NRXN1: variants seen among roughly 807,000 people sequenced by gnomAD.
The protein encoded by NRXN1 is neurexin-1.
In NRXN1, 39 loss-of-function variants were observed where a neutral mutation model predicts 150.9. The observed-to-expected ratio is 0.26, with a 90% CI of 0.20 to 0.34. NRXN1 has a LOEUF of 0.34. NRXN1 is among the 10% of genes least tolerant of loss of function. The pLI, the probability that NRXN1 is intolerant of heterozygous loss-of-function variation, is 1.00. For synonymous variants in NRXN1, 924 were observed against 757.0 expected (o/e 1.22, Z -3.62); for missense variants, 1,815 against 1,949.9 (o/e 0.93, Z 1.30).
In NRXN1 at chr2:50,496,200, T is replaced by G. The variant is rs897439046; in HGVS notation, c.2880-105A>C. The G allele has an allele frequency of 5.6e-4, 431 of 774,514 alleles. 1 individual carries two copies. The highest frequency in any genetic ancestry group is 2.7e-4 in the Admixed American group (10 of 37,024). 48.0% of individuals were successfully genotyped at this position (774,514 alleles called of 1,614,324 possible). ...ATTTTTTTTCAGGTGGTTCCATCCT[T>G]ACTAGAAGTCATGACAATAAGTTAC... On this transcript the variant is annotated intron_variant, in intron 14 of 22. Transcript: ENST00000401669.
chr2:50,939,592 C>A (rs1558457238), intron 2 of NRXN1, among the ~76,000 whole-genome samples: 1 of 151,970 alleles, frequency 6.6e-6, no homozygotes, highest in Non-Finnish European at 1.5e-5. Flanking sequence ...TGATAAACTT[C>A]AAGAATAAGC....
intron 19 of NRXN1, among the ~76,000 whole-genome samples, chr2:50,086,164 A>G (rs1482508011): frequency 2.6e-5 from 4 of 152,214 alleles, no homozygotes; most frequent in African/African-American, 7.2e-5. Context: ...GAAAAATTAA[A>G]TTAAACAAAT....
intron 5 of NRXN1, among the ~76,000 whole-genome samples, chr2:50,784,419 T>C (rs1704798936): frequency 6.6e-6 from 1 of 151,852 alleles, no homozygotes; most frequent in South Asian, 2.1e-4. Flanking sequence ...AATGAATGCA[T>C]AGGAGTGACC....
intron 2 of NRXN1, among the ~76,000 whole-genome samples, chr2:51,004,987 A>G (rs565869042): frequency 4.6e-5 from 7 of 152,126 alleles, no homozygotes; most frequent in East Asian, 1.9e-4. Context: ...TATAATATGC[A>G]TGCCTATATC....
intron 5 of NRXN1, among the ~76,000 whole-genome samples, chr2:50,678,538 A>C (rs1689875374): frequency 6.6e-6 from 1 of 152,172 alleles, no homozygotes; most frequent in South Asian, 2.1e-4. Context: ...AGCCATCTGT[A>C]TCACTGACCA....
rs539424546 is a variant in NRXN1 at position 49,946,576 on chromosome 2, G to A, written c.4129-2785C>T. Among the ~76,000 whole-genome samples, 9 of 152,176 alleles carry A rather than the reference G, an allele frequency of 5.9e-5. No homozygotes were observed. The East Asian group carries it at 1.5e-3, about 26-fold the overall frequency. On this transcript the variant is annotated intron_variant, in intron 21 of 22. Transcript: ENST00000401669. ...ATTTTTGTATAAGGTGTAAGGAAGG[G>A]GTCCGGTTTCAGTTTCCTGCATATG...
At chr2:50,414,611 T>C (rs573270774) in intron 17 of NRXN1, among the ~76,000 whole-genome samples, 1 of 152,234 alleles carries the variant, frequency 6.6e-6, no homozygotes, top group South Asian at 2.1e-4. Flanking sequence ...TGGACACTAC[T>C]ATCCTTCTTA....
chr2:50,829,323 T>C (rs1443785684), intron 5 of NRXN1: 2 of 657,758 alleles, frequency 3.0e-6, no homozygotes, highest in Non-Finnish European at 5.3e-6. Flanking sequence ...AGAGATGGGG[T>C]TTCTCCATGT....
chr2:50,093,830 G>A (rs1292748797), intron 18 of NRXN1, among the ~76,000 whole-genome samples: 1 of 152,068 alleles, frequency 6.6e-6, no homozygotes, highest in Non-Finnish European at 1.5e-5. Flanking sequence ...TAAGCAATTT[G>A]GCTAAGGTCG....
chr2:50,868,184 T>C (rs1373350358), intron 5 of NRXN1, among the ~76,000 whole-genome samples: 3 of 84,030 alleles, frequency 3.6e-5, no homozygotes, highest in Non-Finnish European at 7.6e-5. Context: ...TATATATATA[T>C]ATATGCATAC....
At position 50,311,507 on chromosome 2, in the gene NRXN1, T is replaced by C. The variant is rs962563462; in HGVS notation, c.3365-74537A>G. ...CATGCACTGATAATCCGAACCTGGA[T>C]AGATGAATTCTAGACAGCAACTTGT... On this transcript the variant is annotated intron_variant, in intron 17 of 22. Coordinates refer to ENST00000401669, the MANE Select transcript of NRXN1 (RefSeq NM_001330078.2). Among the ~76,000 whole-genome samples, 5 of 152,108 alleles carry C rather than the reference T, an allele frequency of 3.3e-5. No homozygotes were observed. In the South Asian group the frequency reaches 8.3e-4, roughly 25 times the overall value.
At chr2:49,999,150 C>G (rs1333872205) in intron 21 of NRXN1, among the ~76,000 whole-genome samples, 1 of 152,068 alleles carries the variant, frequency 6.6e-6, no homozygotes, top group African/African-American at 2.4e-5. Flanking sequence ...TTGCAACACA[C>G]CTTGAATAGA....
chr2:50,233,262 T>C (rs1043214313), intron 18 of NRXN1, among the ~76,000 whole-genome samples: 9 of 152,038 alleles, frequency 5.9e-5, no homozygotes, highest in Non-Finnish European at 7.4e-5. Flanking sequence ...ATAGTAATAT[T>C]ATATGACTTT....
intron 21 of NRXN1, among the ~76,000 whole-genome samples, chr2:50,050,336 T>G (rs1268133884): frequency 6.6e-6 from 1 of 152,010 alleles, no homozygotes; most frequent in East Asian, 1.9e-4. Context: ...CTCATCTATT[T>G]GAAATGAGTC....
intron 5 of NRXN1, among the ~76,000 whole-genome samples, chr2:50,741,121 A>G (rs1425585481): frequency 6.6e-6 from 1 of 152,180 alleles, no homozygotes; most frequent in African/African-American, 2.4e-5. Flanking sequence ...TATTAATTAA[A>G]AAAAGATCAA....
intron 5 of NRXN1, among the ~76,000 whole-genome samples, chr2:50,773,961 A>T (rs1703307297): frequency 6.6e-6 from 1 of 152,118 alleles, no homozygotes; most frequent in Non-Finnish European, 1.5e-5. Flanking sequence ...CACTGTCAGT[A>T]TCTAGGCTAC....
intron 18 of NRXN1, among the ~76,000 whole-genome samples, chr2:50,110,307 G>C (rs1392635268): frequency 2.0e-5 from 3 of 151,894 alleles, no homozygotes; most frequent in Admixed American, 6.6e-5. Flanking sequence ...TGTCTAACAC[G>C]GTGAAACCGC....
chr2:50,179,971 T>C (rs79401253), intron 18 of NRXN1, among the ~76,000 whole-genome samples: 2,932 of 152,246 alleles, frequency 0.019, 97 homozygotes, highest in African/African-American at 0.067. Flanking sequence ...AAACAGTTTT[T>C]ATTATTTTCA....
intron 18 of NRXN1, among the ~76,000 whole-genome samples, chr2:50,134,503 C>T (rs920406211): frequency 1.3e-5 from 2 of 152,096 alleles, no homozygotes; most frequent in Non-Finnish European, 1.5e-5. Flanking sequence ...AAAGCCTTCA[C>T]CATGCTTTGG....
Sources: allele counts gnomAD v4.1 joint callset (sites outside exome capture counted in the v4.1 genomes callset), GRCh38; gene constraint gnomAD v4.1.1; transcripts MANE v1.5; gene names NCBI Gene and HGNC (gene_info 2026-07-23, HGNC 2026-07-21).